Variants in PLEKHA7 observed in about 807,000 individuals in gnomAD.
PLEKHA7 encodes pleckstrin homology domain containing A7, also known as pleckstrin homology domain-containing family A member 7.
PLEKHA7 carries 104 observed loss-of-function variants against 170.0 expected under a neutral mutation model. That is an observed-to-expected ratio of 0.61 (90% CI 0.52 to 0.72). The LOEUF (loss-of-function observed/expected upper bound fraction) is 0.72, where lower values mean the gene tolerates loss of function less well. Ranked by LOEUF, PLEKHA7 falls within the 30% of genes least tolerant of loss-of-function variation. The probability of loss-of-function intolerance (pLI) is 0.00; values close to 1 mark genes in which losing one functional copy is unlikely to be tolerated. For synonymous variants in PLEKHA7, 648 were observed against 660.8 expected (o/e 0.98, Z 0.30); for missense variants, 1,615 against 1,671.7 (o/e 0.97, Z 0.59).
At chr11:16,973,604 C>T (rs1862859155) in intron 3 of PLEKHA7, among the ~76,000 whole-genome samples, 1 of 152,212 alleles carries the variant, frequency 6.6e-6, no homozygotes, top group Admixed American at 6.5e-5. Flanking sequence ...AAAATACTGC[C>T]AGGGACCCAA....
At chr11:16,846,322 AAAGAG>A (rs975089126) in intron 8 of PLEKHA7, among the ~76,000 whole-genome samples, 17 of 152,034 alleles carry the variant, frequency 1.1e-4, no homozygotes, top group African/African-American at 3.9e-4. Context: ...GAAAGGGAGA[AAAGAG>A]AAGAGAAGAG....
At chr11:16,946,306 T>C (rs1469633928) in intron 3 of PLEKHA7, among the ~76,000 whole-genome samples, 1 of 152,162 alleles carries the variant, frequency 6.6e-6, no homozygotes, top group Non-Finnish European at 1.5e-5. Flanking sequence ...AGACACTGGA[T>C]AACCTGCCCT....
intron 9 of PLEKHA7, among the ~76,000 whole-genome samples, chr11:16,828,722 C>A (rs144551300): frequency 3.9e-5 from 6 of 152,286 alleles, no homozygotes; most frequent in African/African-American, 1.4e-4. Flanking sequence ...TTTCTCCTAC[C>A]CTCAGTCCAG....
At chr11:16,995,381 C>T (rs1565190671) in intron 3 of PLEKHA7, among the ~76,000 whole-genome samples, 1 of 152,128 alleles carries the variant, frequency 6.6e-6, no homozygotes, top group Admixed American at 6.5e-5. Context: ...TGAAGGGACC[C>T]CTGAACAATG....
Position 16,974,932 on chromosome 11 carries a change from T to C in PLEKHA7, c.221+39057A>G, listed in dbSNP as rs1375926907. The C allele has an allele frequency of 2.6e-6, 2 of 778,024 alleles. 1 individual carries two copies. The highest frequency in any genetic ancestry group is 7.5e-5 in the African/African-American group (2 of 26,648). The allele number at this position is 778,024 out of a possible 1,614,324, so 48.2% of individuals were successfully genotyped here. A position where few individuals can be genotyped will look rare whatever the true frequency, so the allele number is the denominator to read the frequency against. The stretch of plus-strand genomic sequence containing the variant: ...TGGGCGTACAGAGAATCCTTGCCCT[T>C]CTTGTACTGTGTCACTTTATGGGGT... On this transcript the variant is annotated intron_variant, in intron 3 of 26. Transcript: ENST00000531066.
intron 3 of PLEKHA7, among the ~76,000 whole-genome samples, chr11:16,883,728 T>C (rs1855874469): frequency 6.6e-6 from 1 of 152,166 alleles, no homozygotes; most frequent in Non-Finnish European, 1.5e-5. Context: ...TTCTTAGCAC[T>C]GAAGGCTTAC....
chr11:16,804,759 A>C (rs184451058), intron 13 of PLEKHA7, among the ~76,000 whole-genome samples: 2 of 152,388 alleles, frequency 1.3e-5, no homozygotes, highest in East Asian at 3.9e-4. Context: ...GTTCCCGGAA[A>C]AAATAGAACT....
intron 3 of PLEKHA7, among the ~76,000 whole-genome samples, chr11:16,928,528 T>C (rs1859721033): frequency 6.6e-6 from 1 of 151,774 alleles, no homozygotes; most frequent in Non-Finnish European, 1.5e-5. Context: ...CACAGCTCAC[T>C]GCAGCCTCGA....
chr11:16,822,469 G>A (rs910798379), intron 10 of PLEKHA7, among the ~76,000 whole-genome samples: 8 of 139,984 alleles, frequency 5.7e-5, no homozygotes, highest in African/African-American at 8.4e-5. Flanking sequence ...TCCTTGAAAG[G>A]TACCACATCT....
chr11:16,819,597 T>C (rs1390023358), intron 10 of PLEKHA7, among the ~76,000 whole-genome samples: 2 of 152,216 alleles, frequency 1.3e-5, no homozygotes, highest in Admixed American at 1.3e-4. Flanking sequence ...CAGACATTGT[T>C]CCAAGCCAAC....
At chr11:16,992,089 G>A (rs1385406141) in intron 3 of PLEKHA7, among the ~76,000 whole-genome samples, 1 of 152,128 alleles carries the variant, frequency 6.6e-6, no homozygotes, top group African/African-American at 2.4e-5. Flanking sequence ...CCCCCAGCCT[G>A]GGCATGCAGG....
intron 3 of PLEKHA7, among the ~76,000 whole-genome samples, chr11:16,977,484 G>T (rs934605859): frequency 6.6e-6 from 1 of 152,004 alleles, no homozygotes; most frequent in Non-Finnish European, 1.5e-5. Context: ...TATCCCTCCC[G>T]ATCCCCTGGT....
rs116867770 is a variant in PLEKHA7 at position 16,876,460 on chromosome 11, A to G, written c.222-5278T>C. ...CCCAGAAGCAGCCCCTTGAAGTTGA[A>G]TGGCAGCCAGTCTCACTTAGGAAAG... On this transcript the variant is annotated intron_variant, in intron 3 of 26. Transcript: ENST00000531066. 5.0e-3 allele frequency among the ~76,000 whole-genome samples: 768 copies of G among 152,348 alleles called. 20 individuals carry two copies. The highest frequency in any genetic ancestry group is 0.018 in the East Asian group (93 of 5,182).
chr11:17,002,958 G>A (rs527469888), intron 3 of PLEKHA7, among the ~76,000 whole-genome samples: 1 of 147,166 alleles, frequency 6.8e-6, no homozygotes. Context: ...CCAAGAATAA[G>A]GACATCCTTT....
chr11:16,994,655 T>C (rs766177341), intron 3 of PLEKHA7, among the ~76,000 whole-genome samples: 1 of 152,136 alleles, frequency 6.6e-6, no homozygotes, highest in Non-Finnish European at 1.5e-5. Flanking sequence ...TCTCTTCCAG[T>C]GTCCTAGAAC....
chr11:16,946,176 T>C (rs1179326073), intron 3 of PLEKHA7, among the ~76,000 whole-genome samples: 1 of 152,226 alleles, frequency 6.6e-6, no homozygotes, highest in Non-Finnish European at 1.5e-5. Flanking sequence ...TCCTGGGCTC[T>C]TCCTGCTAGA....
chr11:16,921,089 G>A (rs1859051850), intron 3 of PLEKHA7, among the ~76,000 whole-genome samples: 1 of 152,182 alleles, frequency 6.6e-6, no homozygotes, highest in Non-Finnish European at 1.5e-5. Context: ...TATTTTCGCA[G>A]GGCGTTTTTT....
chr11:16,827,634 G>A (rs1850761100), intron 9 of PLEKHA7, among the ~76,000 whole-genome samples: 1 of 152,116 alleles, frequency 6.6e-6, no homozygotes, highest in African/African-American at 2.4e-5. Context: ...CCTTCTCTCT[G>A]CCTCCTTGGG....
intron 3 of PLEKHA7, among the ~76,000 whole-genome samples, chr11:16,949,267 C>A (rs991880070): frequency 6.6e-6 from 1 of 152,246 alleles, no homozygotes; most frequent in Non-Finnish European, 1.5e-5. Flanking sequence ...ATCTCCCCTG[C>A]AGGTGGGAAG....
Sources: allele counts gnomAD v4.1 joint callset (sites outside exome capture counted in the v4.1 genomes callset), GRCh38; gene constraint gnomAD v4.1.1; transcripts MANE v1.5; gene names NCBI Gene and HGNC (gene_info 2026-07-23, HGNC 2026-07-21).